SLC4A10: variants seen among roughly 807,000 people sequenced by gnomAD.
SLC4A10 encodes the protein sodium-driven chloride bicarbonate exchanger.
SLC4A10 carries 42 observed loss-of-function variants against 137.7 expected under a neutral mutation model. The ratio of observed to expected loss-of-function variants is 0.30; its 90% CI spans 0.24 to 0.39. The LOEUF is 0.39. SLC4A10 is among the 10% of genes least tolerant of loss of function. The pLI is 1.00. For synonymous variants in SLC4A10, 474 were observed against 464.1 expected (o/e 1.02, Z -0.27); for missense variants, 925 against 1,355.0 (o/e 0.68, Z 4.98).
intron 1 of SLC4A10, among the ~76,000 whole-genome samples, chr2:161,769,933 C>T (rs1270132015): frequency 2.7e-5 from 4 of 149,022 alleles, no homozygotes; most frequent in African/African-American, 9.7e-5. Flanking sequence ...TCTGATGCTC[C>T]AATGTAGTTG....
At chr2:161,647,079 T>C (rs1200559918) in intron 1 of SLC4A10, among the ~76,000 whole-genome samples, 1 of 152,040 alleles carries the variant, frequency 6.6e-6, no homozygotes, top group African/African-American at 2.4e-5. Flanking sequence ...TCTGGAATGA[T>C]TATACAGGAT....
At chr2:161,741,756 A>T (rs1475910779) in intron 1 of SLC4A10, among the ~76,000 whole-genome samples, 19 of 152,150 alleles carry the variant, frequency 1.2e-4, no homozygotes, top group Admixed American at 1.2e-3. Flanking sequence ...TACAATGTGT[A>T]TTTGGCACAT....
intron 1 of SLC4A10, among the ~76,000 whole-genome samples, chr2:161,693,582 T>C (rs1213134242): frequency 6.6e-6 from 1 of 151,884 alleles, no homozygotes; most frequent in Non-Finnish European, 1.5e-5. Flanking sequence ...AAATCAAAGT[T>C]TGTACCATTT....
At position 161,872,329 on chromosome 2, in the gene SLC4A10, GT is replaced by G; in HGVS notation, c.804del (p.Cys268TrpfsTer34). 1 of 1,613,688 alleles carries G rather than the reference GT, an allele frequency of 6.2e-7. No individual in the cohort carries two copies. The highest frequency in any genetic ancestry group is 8.5e-7 in the Non-Finnish European group (1 of 1,179,748). On this transcript the variant is annotated frameshift_variant, in exon 7 of 27. Transcript: ENST00000446997. LOFTEE classifies it high-confidence loss of function. ...GTTTCTCCTCAGTCTGCTCCAGCCT[GT>G]GTTGAAAATAAAAATGATGTTAGCA... is the stretch of plus-strand genomic sequence containing the variant. ...QVVSPQSAPA[C>X]VENKNDVSRE...
At position 161,624,951 on chromosome 2, in the gene SLC4A10, C is replaced by T. The variant is rs575471966; in HGVS notation, c.48+385C>T. ...AAGCCCCCTTTTATCATGTTTAATC[C>T]CTATCGAATTTCCTCCCCCTGCCTC... is the stretch of plus-strand genomic sequence containing the variant. On this transcript the variant is annotated intron_variant, in intron 1 of 26. Coordinates refer to ENST00000446997, the MANE Select transcript of SLC4A10 (RefSeq NM_001178015.2). Among the ~76,000 whole-genome samples, 561 of 151,936 alleles carry T rather than the reference C, an allele frequency of 3.7e-3. 4 individuals carry two copies. Among genetic ancestry groups the T allele is most frequent in the African/African-American group, 0.013 (537 of 41,460 alleles).
At chr2:161,931,821 A>G (rs1039000750) in intron 15 of SLC4A10, among the ~76,000 whole-genome samples, 1 of 152,192 alleles carries the variant, frequency 6.6e-6, no homozygotes, top group Non-Finnish European at 1.5e-5. Flanking sequence ...GCAGTAATAT[A>G]AAGGAGATCA....
chr2:161,785,542 A>G (rs979918990), intron 2 of SLC4A10, among the ~76,000 whole-genome samples: 2 of 151,844 alleles, frequency 1.3e-5, no homozygotes, highest in African/African-American at 4.8e-5. Context: ...ATAGGAAGCA[A>G]TGGATACCCT....
At chr2:161,648,883 TTTA>T (rs1450390402) in intron 1 of SLC4A10, among the ~76,000 whole-genome samples, 2 of 152,220 alleles carry the variant, frequency 1.3e-5, no homozygotes, top group Non-Finnish European at 2.9e-5. Context: ...TCAGTTGTTT[TTTA>T]TTTTTTTTCC....
intron 1 of SLC4A10, among the ~76,000 whole-genome samples, chr2:161,666,980 T>C (rs2039120424): frequency 6.6e-6 from 1 of 151,698 alleles, no homozygotes; most frequent in Admixed American, 6.6e-5. Context: ...GATAAACATT[T>C]CTAACGTTAA....
intron 10 of SLC4A10, among the ~76,000 whole-genome samples, chr2:161,887,057 C>T (rs1357803976): frequency 2.0e-5 from 3 of 151,946 alleles, no homozygotes; most frequent in African/African-American, 7.3e-5. Context: ...TTTTCTTTTC[C>T]TGTGTTAGTT....
chr2:161,696,485 G>A (rs2042522676), intron 1 of SLC4A10, among the ~76,000 whole-genome samples: 1 of 106,844 alleles, frequency 9.4e-6, no homozygotes, highest in African/African-American at 3.9e-5. Context: ...TCCCCAGAGT[G>A]TGATGTTCCC....
chr2:161,938,637 G>A (rs1190327878), intron 15 of SLC4A10, among the ~76,000 whole-genome samples: 1 of 151,056 alleles, frequency 6.6e-6, no homozygotes, highest in Non-Finnish European at 1.5e-5. Flanking sequence ...TCATTGAGAA[G>A]GGCATGATAT....
At chr2:161,628,613 A>G (rs1367425440) in intron 1 of SLC4A10, among the ~76,000 whole-genome samples, 4 of 152,074 alleles carry the variant, frequency 2.6e-5, no homozygotes, top group Non-Finnish European at 4.4e-5. Context: ...TTCAATTTGC[A>G]TTGAAATTTA....
intron 1 of SLC4A10, among the ~76,000 whole-genome samples, chr2:161,669,494 T>C (rs925954434): frequency 2.0e-5 from 3 of 151,960 alleles, no homozygotes; most frequent in African/African-American, 7.2e-5. Flanking sequence ...CATAATTAAA[T>C]GTGCCATAGT....
intron 1 of SLC4A10, among the ~76,000 whole-genome samples, chr2:161,645,684 G>T (rs1289654693): frequency 6.6e-6 from 1 of 151,988 alleles, no homozygotes; most frequent in African/African-American, 2.4e-5. Flanking sequence ...TTTTCAATAA[G>T]CTAAGACTTT....
At chr2:161,836,538 AAGAAAGAAAGAAAG>A (rs2058793767) in intron 3 of SLC4A10, among the ~76,000 whole-genome samples, 1 of 10,550 alleles carries the variant, frequency 9.5e-5, no homozygotes, top group Admixed American at 1.2e-3. Context: ...GAGAGAAAGA[AAGAAAGAAAGAAAG>A]AAAGAAAGAA....
In SLC4A10 at chr2:161,955,487, T is replaced by A. The variant is rs538214813; in HGVS notation, c.2542-1502T>A. On this transcript the variant is annotated intron_variant, in intron 19 of 26. Transcript: ENST00000446997. Reference sequence around the variant, plus strand: ...TAGATATTTTGGTAAATTGTAGTATTGCCCCAGTAAGCTGAATCAATGAAG... The same window carrying A: ...TAGATATTTTGGTAAATTGTAGTATAGCCCCAGTAAGCTGAATCAATGAAG... 7.9e-5 allele frequency among the ~76,000 whole-genome samples: 12 copies of A among 152,304 alleles called. No individual in the cohort carries two copies. In the South Asian group the frequency reaches 2.5e-3, roughly 32 times the overall value.
chr2:161,643,073 A>G (rs931703486), intron 1 of SLC4A10, among the ~76,000 whole-genome samples: 1 of 152,030 alleles, frequency 6.6e-6, no homozygotes, highest in Non-Finnish European at 1.5e-5. Context: ...TCTAACTAGA[A>G]ATGGTGAAAA....
chr2:161,653,251 T>C (rs1377044927), intron 1 of SLC4A10, among the ~76,000 whole-genome samples: 1 of 152,190 alleles, frequency 6.6e-6, no homozygotes, highest in African/African-American at 2.4e-5. Flanking sequence ...AATCTATCAT[T>C]GATGGGCATT....
Sources: gnomAD v4.1 joint callset for allele counts (sites outside exome capture counted in the v4.1 genomes callset) on GRCh38, gnomAD v4.1.1 for gene constraint, MANE v1.5 for transcripts, NCBI Gene and HGNC (gene_info 2026-07-23, HGNC 2026-07-21) for gene names.